BCKDHB: variants seen among roughly 807,000 people sequenced by gnomAD.
The protein encoded by BCKDHB is branched chain keto acid dehydrogenase E1 subunit beta, also known as 2-oxoisovalerate dehydrogenase subunit beta, mitochondrial.
Under a neutral mutation model 48.5 loss-of-function variants are expected in BCKDHB, and 41 were observed. The ratio of observed to expected loss-of-function variants is 0.85; its 90% CI spans 0.66 to 1.10. The LOEUF is 1.10. Among genes scored for constraint, BCKDHB ranks in the 50% least tolerant of loss-of-function variants. The pLI, the probability that BCKDHB is intolerant of heterozygous loss-of-function variation, is 0.00. For synonymous variants in BCKDHB, 201 were observed against 174.8 expected, an observed-to-expected ratio of 1.15 and a Z score of -1.18; for missense variants, 496 against 494.2, an observed-to-expected ratio of 1.00 and a Z score of -0.03.
chr6:80,133,255 A>T (rs1017395802), intron 3 of BCKDHB, among the ~76,000 whole-genome samples: 2 of 152,214 alleles, frequency 1.3e-5, no homozygotes, highest in African/African-American at 4.8e-5. Context: ...TTACTGACAT[A>T]CGTTGTAAAG....
At chr6:80,297,134 C>T (rs1377732619) in intron 9 of BCKDHB, among the ~76,000 whole-genome samples, 1 of 152,100 alleles carries the variant, frequency 6.6e-6, no homozygotes, top group African/African-American at 2.4e-5. Flanking sequence ...GCATGGCTTT[C>T]CACATGTCCC....
the BCKDHB span, among the ~76,000 whole-genome samples, chr6:80,372,979 G>A: frequency 6.6e-6 from 1 of 152,060 alleles, no homozygotes; most frequent in Non-Finnish European, 1.5e-5. Flanking sequence ...GATTTAGGGA[G>A]GATTCCTTCT....
At chr6:80,423,066 C>A in the BCKDHB span, among the ~76,000 whole-genome samples, 271 of 152,192 alleles carry the variant, frequency 1.8e-3, 2 homozygotes, top group Admixed American at 2.9e-3. Flanking sequence ...CCCCACATGT[C>A]GAGGGAGAGA....
the BCKDHB span, among the ~76,000 whole-genome samples, chr6:80,380,069 G>A: frequency 6.6e-6 from 1 of 151,836 alleles, no homozygotes; most frequent in East Asian, 1.9e-4. Flanking sequence ...TTTTTTCACA[G>A]AATTAGAAAA....
chr6:80,329,755 G>A (rs191400897), intron 9 of BCKDHB, among the ~76,000 whole-genome samples: 1 of 152,148 alleles, frequency 6.6e-6, no homozygotes, highest in East Asian at 1.9e-4. Context: ...TTGCAGATCT[G>A]GTTTCTCCTT....
intron 6 of BCKDHB, among the ~76,000 whole-genome samples, chr6:80,187,679 A>T (rs1177738142): frequency 1.3e-5 from 2 of 152,182 alleles, no homozygotes; most frequent in Non-Finnish European, 2.9e-5. Flanking sequence ...ATGAACAGAC[A>T]CTTTTCAGAA....
At chr6:80,417,474 A>C in the BCKDHB span, among the ~76,000 whole-genome samples, 2 of 152,120 alleles carry the variant, frequency 1.3e-5, no homozygotes, top group African/African-American at 4.8e-5. Flanking sequence ...AGTGGCTTGT[A>C]ATGGTCCTTC....
At chr6:80,248,062 G>A (rs769479721) in intron 8 of BCKDHB, among the ~76,000 whole-genome samples, 12 of 152,152 alleles carry the variant, frequency 7.9e-5, no homozygotes, top group Non-Finnish European at 4.4e-5. Context: ...TTGAATGTTA[G>A]GTGGTTGTTA....
chr6:80,171,441 T>C, intron 6 of BCKDHB, 51 bp downstream of exon 6: 1 of 1,074,284 alleles, frequency 9.3e-7, no homozygotes, highest in Non-Finnish European at 1.4e-6. Context: ...ATACTTTGTT[T>C]TTTATAGCTC....
intron 8 of BCKDHB, among the ~76,000 whole-genome samples, chr6:80,245,096 T>TA (rs397710444): frequency 6.6e-6 from 1 of 151,558 alleles, no homozygotes; most frequent in East Asian, 1.9e-4. Context: ...ATTTTTTTTT[T>TA]AGGATAAACA....
Position 80,274,532 on chromosome 6 carries a change from A to T in BCKDHB, c.1038+1311A>T, listed in dbSNP as rs377241308. 6.6e-4 allele frequency among the ~76,000 whole-genome samples: 100 copies of T among 152,160 alleles called. 3 individuals are homozygous for T. In the South Asian group the frequency reaches 0.02, roughly 31 times the overall value. On this transcript the variant is annotated intron_variant, in intron 9 of 9. Transcript: ENST00000320393. ...AAAAAGAAACTGGATTTTCTGACTT[A>T]TAGTTAATATATAGTCTACTAAACC...
intron 8 of BCKDHB, among the ~76,000 whole-genome samples, chr6:80,221,706 C>G (rs16891547): frequency 6.6e-6 from 1 of 151,594 alleles, no homozygotes; most frequent in Non-Finnish European, 1.5e-5. Context: ...TTTATAAGGC[C>G]CAATTTGAAC....
intron 6 of BCKDHB, among the ~76,000 whole-genome samples, chr6:80,194,974 C>T (rs1774067764): frequency 6.6e-6 from 1 of 152,164 alleles, no homozygotes. Flanking sequence ...CCCAGGAGTC[C>T]TCTCTGGTTT....
chr6:80,122,626 G>C (rs1161731286), intron 1 of BCKDHB, among the ~76,000 whole-genome samples: 3 of 152,152 alleles, frequency 2.0e-5, no homozygotes, highest in Non-Finnish European at 1.5e-5. Flanking sequence ...CAAAATTGGA[G>C]GGGGTTTAAA....
intron 9 of BCKDHB, among the ~76,000 whole-genome samples, chr6:80,334,994 C>G (rs1769499571): frequency 6.6e-6 from 1 of 151,762 alleles, no homozygotes; most frequent in Admixed American, 6.6e-5. Flanking sequence ...AGAAATCACT[C>G]TATTCTGGTA....
rs532479609 is a variant in BCKDHB, at chr6:80,225,992, G to A, written c.951+22780G>A. Reference sequence around the variant, plus strand: ...TTTACCAATGACATTTTTGTAAATGGAATATTGTTTACTCTTAATCCTAAA... The same window carrying A: ...TTTACCAATGACATTTTTGTAAATGAAATATTGTTTACTCTTAATCCTAAA... On this transcript the variant is annotated intron_variant, in intron 8 of 9. Transcript: ENST00000320393. 4.6e-5 allele frequency among the ~76,000 whole-genome samples: 7 copies of A among 152,202 alleles called. No individual in the cohort carries two copies. In the East Asian group the frequency reaches 1.4e-3, roughly 29 times the overall value.
At chr6:80,379,538 A>G in the BCKDHB span, among the ~76,000 whole-genome samples, 2 of 152,118 alleles carry the variant, frequency 1.3e-5, no homozygotes, top group Non-Finnish European at 2.9e-5. Context: ...GTCTAGAACA[A>G]GATAAGGTTG....
intron 8 of BCKDHB, among the ~76,000 whole-genome samples, chr6:80,216,015 C>T (rs538918461): frequency 2.0e-5 from 3 of 152,326 alleles, no homozygotes; most frequent in African/African-American, 7.2e-5. Context: ...GCTGGGATTA[C>T]AGACGTGAGC....
chr6:80,327,627 A>C (rs891991518), intron 9 of BCKDHB, among the ~76,000 whole-genome samples: 4 of 152,166 alleles, frequency 2.6e-5, no homozygotes, highest in Non-Finnish European at 4.4e-5. Flanking sequence ...CAAAATAAAT[A>C]GTGTTTTCTC....
Sources: gnomAD v4.1 joint callset for allele counts (sites outside exome capture counted in the v4.1 genomes callset) on GRCh38, gnomAD v4.1.1 for gene constraint, MANE v1.5 for transcripts, NCBI Gene and HGNC (gene_info 2026-07-23, HGNC 2026-07-21) for gene names.